The following RABGAP1L variants were observed in gnomAD, a reference collection of about 807,000 sequenced individuals.
RABGAP1L encodes the protein rab GTPase-activating protein 1-like.
RABGAP1L carries 63 observed loss-of-function variants against 137.7 expected under a neutral mutation model. The ratio of observed to expected loss-of-function variants is 0.46; its 90% confidence interval spans 0.37 to 0.56. The LOEUF is 0.56. RABGAP1L is among the 20% of genes least tolerant of loss of function. The pLI, the probability that RABGAP1L is intolerant of heterozygous loss-of-function variation, is 0.00. For missense variants in RABGAP1L, 1,095 were observed against 1,244.0 expected, an observed-to-expected ratio of 0.88 and a Z score of 1.80; for synonymous variants, 431 against 433.7, an observed-to-expected ratio of 0.99 and a Z score of 0.08.
chr1:174,875,591 A>C (rs1652956737), intron 19 of RABGAP1L: 4 of 985,108 alleles, frequency 4.1e-6, no homozygotes, highest in Non-Finnish European at 4.8e-6. Flanking sequence ...TGAAAGCAAG[A>C]GGAATTGCTT....
At chr1:174,882,773 A>G (rs971518537) in intron 19 of RABGAP1L, among the ~76,000 whole-genome samples, 1 of 152,122 alleles carries the variant, frequency 6.6e-6, no homozygotes, top group Non-Finnish European at 1.5e-5. Context: ...CTAGACCAAT[A>G]TTGTTTACTG....
intron 13 of RABGAP1L, among the ~76,000 whole-genome samples, chr1:174,605,504 GC>G (rs1205801012): frequency 1.3e-5 from 2 of 151,864 alleles, no homozygotes; most frequent in African/African-American, 4.8e-5. Flanking sequence ...TACTTGTAAA[GC>G]CTTTTTTTTT....
intron 19 of RABGAP1L, among the ~76,000 whole-genome samples, chr1:174,938,992 A>G (rs778770813): frequency 6.2e-4 from 95 of 152,222 alleles, no homozygotes; most frequent in Middle Eastern, 3.2e-3. Flanking sequence ...GAGGCACACA[A>G]AATAAGCTAA....
In RABGAP1L at chr1:174,272,443, G is replaced by C. The variant is rs1374812072; in HGVS notation, c.1016G>C (p.Arg339Pro). 2 of 1,600,930 alleles carry C rather than the reference G, an allele frequency of 1.2e-6. No individual in the cohort carries two copies. Among genetic ancestry groups the C allele is most frequent in the East Asian group, 4.5e-5 (2 of 44,160 alleles). Residue 339 changes from arginine to proline, a missense_variant, in exon 8 of 26, where the codon CGA (arginine) becomes CCA (proline). Arg to Pro is a moderately radical substitution (Grantham distance 103). This residue lies in a region of RABGAP1L where 112 missense variants were observed against 157.3 expected (regional missense o/e 0.71). Coordinates refer to ENST00000681986, the MANE Select transcript of RABGAP1L (RefSeq NM_001366446.1). ...RCFGMLLSPG[R>P]NVKNSDMHLL... ...TTTGGAATGTTATTAAGCCCAGGTC[G>C]AAACGTGAAGAACAGTGACATGCAT...
intron 1 of RABGAP1L, among the ~76,000 whole-genome samples, chr1:174,208,363 C>T (rs1591943): frequency 1.3e-5 from 2 of 151,656 alleles, no homozygotes; most frequent in South Asian, 2.1e-4. Flanking sequence ...AATCTGTATA[C>T]GTTTTATTTC....
Position 174,349,057 on chromosome 1 carries a change from G to A in RABGAP1L, c.1466-21922G>A, listed in dbSNP as rs1349023396. On this transcript the variant is annotated intron_variant, in intron 11 of 25. Transcript: ENST00000681986. ...CGGCTGGCCGGGCGGGGGGGGGGCTGACCCCCCCCACCTCCCTCCAAGACG... is the reference window on the plus strand; with the variant it reads ...CGGCTGGCCGGGCGGGGGGGGGGCTAACCCCCCCCACCTCCCTCCAAGACG... Among the ~76,000 whole-genome samples, 183 of 127,938 alleles carry A rather than the reference G, an allele frequency of 1.4e-3. 2 individuals carry two copies. The highest frequency in any genetic ancestry group is 0.011 in the Admixed American group (144 of 12,634). The allele number at this position is 127,938 out of a possible 152,430, so 83.9% of individuals were successfully genotyped here. A position where few individuals can be genotyped will look rare whatever the true frequency, so the allele number is the denominator to read the frequency against.
intron 13 of RABGAP1L, among the ~76,000 whole-genome samples, chr1:174,506,125 G>T (rs12750336): frequency 6.6e-6 from 1 of 152,186 alleles, no homozygotes; most frequent in African/African-American, 2.4e-5. Context: ...CTAACTACCA[G>T]AGGCTGGAGG....
At position 174,325,571 on chromosome 1, in the gene RABGAP1L, A is replaced by G. The variant is rs1399075405; in HGVS notation, c.1465+20444A>G. On this transcript the variant is annotated intron_variant, in intron 11 of 25. Transcript: ENST00000681986. Reference sequence around the variant, plus strand: ...ACTAAGATGCCTCTTTCTACAAGCCATTACAGTACCACACGTGGAAGTTTC... The same window carrying G: ...ACTAAGATGCCTCTTTCTACAAGCCGTTACAGTACCACACGTGGAAGTTTC... Among the ~76,000 whole-genome samples the G allele has an allele frequency of 2.0e-5, 3 of 152,210 alleles. No individual in the cohort carries two copies. In the East Asian group the frequency reaches 5.8e-4, roughly 29 times the overall value.
At chr1:174,359,382 T>G (rs1242126026) in intron 11 of RABGAP1L, among the ~76,000 whole-genome samples, 1 of 152,260 alleles carries the variant, frequency 6.6e-6, no homozygotes, top group Non-Finnish European at 1.5e-5. Context: ...AAAACACTCA[T>G]GATTATTGGT....
chr1:174,849,283 T>C (rs1258813172), intron 19 of RABGAP1L, among the ~76,000 whole-genome samples: 1 of 152,066 alleles, frequency 6.6e-6, no homozygotes, highest in Admixed American at 6.5e-5. Flanking sequence ...GCTTTTACTT[T>C]CACTATCACA....
chr1:174,798,832 A>G (rs1688479571), intron 18 of RABGAP1L, among the ~76,000 whole-genome samples: 1 of 152,236 alleles, frequency 6.6e-6, no homozygotes, highest in Non-Finnish European at 1.5e-5. Flanking sequence ...CCACAGAATC[A>G]AGATGCTGAA....
intron 13 of RABGAP1L, among the ~76,000 whole-genome samples, chr1:174,587,012 T>A (rs1246758220): frequency 1.3e-5 from 2 of 151,846 alleles, no homozygotes; most frequent in Non-Finnish European, 2.9e-5. Context: ...GGTTTTTTGT[T>A]CTTGCGATAG....
intron 14 of RABGAP1L, among the ~76,000 whole-genome samples, chr1:174,639,368 CA>C (rs1326301714): frequency 6.6e-6 from 1 of 151,434 alleles, no homozygotes. Flanking sequence ...TTGGATGCCA[CA>C]AAAAAAGGTA....
At position 174,995,213 on chromosome 1, in the gene RABGAP1L, C is replaced by A. The variant is rs1001036408; in HGVS notation, c.*5212C>A. The A allele has an allele frequency of 6.6e-6, 1 of 152,232 alleles. No homozygotes were observed. The highest frequency in any genetic ancestry group is 1.5e-5 in the Non-Finnish European group (1 of 68,038). 9.4% of individuals were successfully genotyped at this position (152,232 alleles called of 1,614,324 possible). On this transcript the variant is annotated 3_prime_UTR_variant, in exon 26 of 26. Coordinates refer to ENST00000681986, the MANE Select transcript of RABGAP1L (RefSeq NM_001366446.1). The stretch of plus-strand genomic sequence containing the variant: ...TAAACAAATGCAACTGAGAAGGTAA[C>A]AAGGTGACTGTTTTTGTGAGCCAGT...
intron 11 of RABGAP1L, among the ~76,000 whole-genome samples, chr1:174,363,425 G>A (rs1684313226): frequency 6.6e-6 from 1 of 152,152 alleles, no homozygotes; most frequent in Admixed American, 6.5e-5. Context: ...AGCATGGAAT[G>A]TTTTTCATTT....
At chr1:174,264,821 T>A (rs1238778073) in intron 7 of RABGAP1L, among the ~76,000 whole-genome samples, 1 of 148,654 alleles carries the variant, frequency 6.7e-6, no homozygotes, top group African/African-American at 2.5e-5. Flanking sequence ...AGACTGTAGA[T>A]AAAAGAAAAA....
intron 19 of RABGAP1L, among the ~76,000 whole-genome samples, chr1:174,896,141 G>C (rs2149137352): frequency 6.6e-6 from 1 of 152,288 alleles, no homozygotes; most frequent in South Asian, 2.1e-4. Flanking sequence ...CATTCTAACT[G>C]GTGTGAGATG....
intron 19 of RABGAP1L, among the ~76,000 whole-genome samples, chr1:174,887,097 G>A (rs1216061870): frequency 2.0e-5 from 3 of 152,212 alleles, no homozygotes; most frequent in African/African-American, 4.8e-5. Context: ...GAGCCACCAC[G>A]CCTGGCCTCA....
intron 18 of RABGAP1L, among the ~76,000 whole-genome samples, chr1:174,782,308 A>AT (rs1407444677): frequency 6.6e-6 from 1 of 151,962 alleles, no homozygotes; most frequent in Admixed American, 6.6e-5. Context: ...ATTCCTAGGT[A>AT]TTTTATTCTC....
Sources: allele counts gnomAD v4.1 joint callset (sites outside exome capture counted in the v4.1 genomes callset), GRCh38; gene constraint gnomAD v4.1.1; regional missense constraint gnomAD v4.1.1; transcripts MANE v1.5; gene names NCBI Gene and HGNC (gene_info 2026-07-23, HGNC 2026-07-21).